Variants in RIMS1 observed in about 807,000 individuals in gnomAD.
RIMS1 encodes regulating synaptic membrane exocytosis 1.
Under a neutral mutation model 214.1 loss-of-function variants are expected in RIMS1, and 83 were observed. That is an observed-to-expected ratio of 0.39 (90% CI 0.32 to 0.47). RIMS1 has a LOEUF of 0.47. Among genes scored for constraint, RIMS1 ranks in the 20% least tolerant of loss-of-function variants. RIMS1 has a pLI of 0.99. For synonymous variants in RIMS1, 793 were observed against 786.8 expected, an observed-to-expected ratio of 1.01 and a Z score of -0.13; for missense variants, 2,050 against 2,161.8, an observed-to-expected ratio of 0.95 and a Z score of 1.03.
chr6:72,120,862 T>C (rs1471964812), intron 4 of RIMS1, among the ~76,000 whole-genome samples: 1 of 151,994 alleles, frequency 6.6e-6, no homozygotes, highest in Non-Finnish European at 1.5e-5. Flanking sequence ...TTAACAGCTT[T>C]CTACATATAG....
intron 6 of RIMS1, among the ~76,000 whole-genome samples, chr6:72,196,379 C>CTGTCTGTT (rs763978881): frequency 5.2e-4 from 23 of 44,260 alleles, no homozygotes; most frequent in South Asian, 1.5e-3. Flanking sequence ...GTCTGTCTGT[C>CTGTCTGTT]TATCTATCTA....
Position 72,290,646 on chromosome 6 carries a change from G to A in RIMS1, c.3555-33G>A, listed in dbSNP as rs1032901443. The A allele has an allele frequency of 1.1e-5, 18 of 1,593,184 alleles. No homozygotes were observed. The East Asian group carries it at 4.0e-4, about 36-fold the overall frequency. ...GTATCAAAGTTAATGTGAACCTGCT[G>A]ACTGAAGATCTTTTTTGGCCCTAAT... On this transcript the variant is annotated intron_variant, in intron 24 of 33. Coordinates refer to ENST00000521978, the MANE Select transcript of RIMS1 (RefSeq NM_014989.7).
intron 29 of RIMS1, among the ~76,000 whole-genome samples, chr6:72,354,678 A>G (rs2097570315): frequency 6.6e-6 from 1 of 152,304 alleles, no homozygotes; most frequent in Admixed American, 6.5e-5. Context: ...CTGTTTTGCT[A>G]TGTAGAATAT....
intron 29 of RIMS1, among the ~76,000 whole-genome samples, chr6:72,345,237 G>C (rs1052450613): frequency 6.6e-6 from 1 of 151,432 alleles, no homozygotes; most frequent in Non-Finnish European, 1.5e-5. Flanking sequence ...ATACAGAAAG[G>C]CAAAAAGAAG....
At chr6:72,056,202 G>A (rs763243976) in intron 2 of RIMS1, among the ~76,000 whole-genome samples, 1 of 152,146 alleles carries the variant, frequency 6.6e-6, no homozygotes, top group African/African-American at 2.4e-5. Context: ...ACAAGTGGGA[G>A]TTAAACACTG....
chr6:72,287,895 TA>T (rs1429266546), intron 24 of RIMS1, among the ~76,000 whole-genome samples: 1 of 152,194 alleles, frequency 6.6e-6, no homozygotes, highest in East Asian at 1.9e-4. Context: ...CCTCATTTTT[TA>T]AAAATGAGGA....
chr6:72,084,631 C>G lies in RIMS1; in HGVS notation c.246-12318C>G, dbSNP rs1562274748. ...AGATGGAGTGCAGCAGAAAACAAATCTATGCTAGTGGGCCTCCATGTCCTC... is the reference window on the plus strand; with the variant it reads ...AGATGGAGTGCAGCAGAAAACAAATGTATGCTAGTGGGCCTCCATGTCCTC... On this transcript the variant is annotated intron_variant, in intron 2 of 33. Transcript: ENST00000521978. Among the ~76,000 whole-genome samples the G allele has an allele frequency of 2.0e-5, 3 of 152,274 alleles. No homozygotes were observed. The East Asian group carries it at 5.8e-4, about 29-fold the overall frequency.
intron 1 of RIMS1, among the ~76,000 whole-genome samples, chr6:71,916,778 T>C (rs2150691724): frequency 6.6e-6 from 1 of 152,300 alleles, no homozygotes; most frequent in East Asian, 1.9e-4. Flanking sequence ...AGCTCGTTTA[T>C]TCTAACTTGT....
At position 72,402,376 on chromosome 6, in the gene RIMS1, G is replaced by C. The variant is rs769814890; in HGVS notation, c.*1662G>C. 6.6e-6 allele frequency: 1 copy of C among 152,492 alleles called. No individual in the cohort carries two copies. The highest frequency in any genetic ancestry group is 1.5e-5 in the Non-Finnish European group (1 of 68,008). 9.4% of individuals were successfully genotyped at this position (152,492 alleles called of 1,614,324 possible). A position where few individuals can be genotyped will look rare whatever the true frequency, so the allele number is the denominator to read the frequency against. On this transcript the variant is annotated 3_prime_UTR_variant, in exon 34 of 34. Coordinates refer to ENST00000521978, the MANE Select transcript of RIMS1 (RefSeq NM_014989.7). ...GGTCTGTGGTGAAATGTCTATAGAT[G>C]GACTTTATTTTTTACCCTCCGGAAA...
intron 1 of RIMS1, among the ~76,000 whole-genome samples, chr6:71,959,887 CATT>C (rs1193163076): frequency 6.6e-6 from 1 of 152,040 alleles, no homozygotes; most frequent in African/African-American, 2.4e-5. Flanking sequence ...ATTTGGGTGA[CATT>C]ATCCTTTTTA....
intron 2 of RIMS1, among the ~76,000 whole-genome samples, chr6:72,069,389 A>C (rs1280179467): frequency 6.6e-6 from 1 of 152,174 alleles, no homozygotes; most frequent in Non-Finnish European, 1.5e-5. Context: ...TCTCTAATAG[A>C]AGTCTCTGGT....
At chr6:72,146,623 T>A (rs1417651143) in intron 4 of RIMS1, among the ~76,000 whole-genome samples, 2 of 152,228 alleles carry the variant, frequency 1.3e-5, no homozygotes, top group Non-Finnish European at 2.9e-5. Context: ...ATTTAGTCAA[T>A]ATGTTCATAC....
chr6:72,022,302 A>G (rs1220436778), intron 2 of RIMS1, among the ~76,000 whole-genome samples: 1 of 152,172 alleles, frequency 6.6e-6, no homozygotes, highest in Non-Finnish European at 1.5e-5. Context: ...CTGCAGGGGT[A>G]TCTTAGCAGT....
intron 28 of RIMS1, among the ~76,000 whole-genome samples, chr6:72,327,399 G>T (rs1048995205): frequency 2.0e-5 from 3 of 151,570 alleles, no homozygotes; most frequent in African/African-American, 7.3e-5. Context: ...AACACATTTT[G>T]TTTCTCTATT....
intron 4 of RIMS1, among the ~76,000 whole-genome samples, chr6:72,142,353 T>A (rs1044622576): frequency 2.0e-5 from 3 of 151,966 alleles, no homozygotes; most frequent in African/African-American, 7.2e-5. Context: ...GAACAAAATA[T>A]GTGGTATTTT....
chr6:72,065,837 A>G (rs1308583703), intron 2 of RIMS1, among the ~76,000 whole-genome samples: 1 of 152,008 alleles, frequency 6.6e-6, no homozygotes, highest in Non-Finnish European at 1.5e-5. Context: ...TTAACCAGAT[A>G]TGCTATATTT....
At chr6:72,076,417 T>C (rs903787216) in intron 2 of RIMS1, among the ~76,000 whole-genome samples, 3 of 151,998 alleles carry the variant, frequency 2.0e-5, no homozygotes, top group Non-Finnish European at 4.4e-5. Flanking sequence ...AGGGAGAGGG[T>C]TCTGGTTTCT....
chr6:72,072,039 G>C (rs1830690216), intron 2 of RIMS1, among the ~76,000 whole-genome samples: 1 of 152,128 alleles, frequency 6.6e-6, no homozygotes, highest in South Asian at 2.1e-4. Context: ...ACTAATTATT[G>C]TAAAGATGGA....
chr6:72,094,489 G>A (rs1329661508), intron 2 of RIMS1, among the ~76,000 whole-genome samples: 1 of 152,050 alleles, frequency 6.6e-6, no homozygotes, highest in Non-Finnish European at 1.5e-5. Flanking sequence ...AGAGGCTTTG[G>A]TTTTCAAGCC....
Sources: allele counts gnomAD v4.1 joint callset (sites outside exome capture counted in the v4.1 genomes callset), GRCh38; gene constraint gnomAD v4.1.1; transcripts MANE v1.5; gene names NCBI Gene and HGNC (gene_info 2026-07-23, HGNC 2026-07-21).